The following PROS1 variants were observed in gnomAD, a reference collection of about 807,000 sequenced individuals.
PROS1 encodes the protein vitamin K-dependent protein S.
A neutral mutation model predicts 75.9 loss-of-function variants in PROS1; 29 were observed. The ratio of observed to expected loss-of-function variants is 0.38; its 90% CI spans 0.28 to 0.52. The LOEUF is 0.52. Ranked by LOEUF, PROS1 falls within the 20% of genes least tolerant of loss-of-function variation. The pLI is 0.83. For missense variants in PROS1, 680 were observed against 810.3 expected, an observed-to-expected ratio of 0.84 and a Z score of 1.95; for synonymous variants, 245 against 280.6, an observed-to-expected ratio of 0.87 and a Z score of 1.27.
chr3:93,889,899 G>A (rs1295150112), intron 10 of PROS1, among the ~76,000 whole-genome samples: 2 of 152,082 alleles, frequency 1.3e-5, no homozygotes, highest in Non-Finnish European at 2.9e-5. Context: ...CGATTTTAGG[G>A]AACAAGGGAA....
intron 1 of PROS1, among the ~76,000 whole-genome samples, chr3:93,971,176 T>C (rs1709875048): frequency 6.6e-6 from 1 of 151,432 alleles, no homozygotes; most frequent in South Asian, 2.1e-4. Flanking sequence ...ACCCTGTCTC[T>C]ACTAAAAATA....
At chr3:93,888,779 A>G (rs546467567) in intron 10 of PROS1, among the ~76,000 whole-genome samples, 1 of 152,126 alleles carries the variant, frequency 6.6e-6, no homozygotes, top group African/African-American at 2.4e-5. Flanking sequence ...CCTGTTATAC[A>G]CTCATTCTCC....
At chr3:93,925,198 T>C (rs138428354) in intron 2 of PROS1, among the ~76,000 whole-genome samples, 56 of 152,294 alleles carry the variant, frequency 3.7e-4, no homozygotes, top group African/African-American at 1.3e-3. Flanking sequence ...ATATCTAATG[T>C]GTACCATTAA....
intron 1 of PROS1, among the ~76,000 whole-genome samples, chr3:93,952,738 C>A (rs1477965143): frequency 6.6e-6 from 1 of 152,100 alleles, no homozygotes; most frequent in South Asian, 2.1e-4. Context: ...CAGAGCAGAA[C>A]TGAAGGAGAT....
Position 93,892,918 on chromosome 3 carries a change from AATC to A in PROS1, c.1155+12_1155+14del. On this transcript the variant is annotated intron_variant, in intron 10 of 14. Transcript: ENST00000394236. ...CATCAAAGTGGGAAGATATTGATGA[AATC>A]TGCAAACGTACCATATTCCATAGAC... The A allele has an allele frequency of 6.2e-7, 1 of 1,606,860 alleles. No individual in the cohort carries two copies.
intron 3 of PROS1, among the ~76,000 whole-genome samples, chr3:93,916,059 T>A (rs1708842936): frequency 6.6e-6 from 1 of 152,110 alleles, no homozygotes; most frequent in African/African-American, 2.4e-5. Flanking sequence ...AAGTCCAATA[T>A]TAAGGTGCTA....
At chr3:93,947,385 T>C (rs1490058419) in intron 1 of PROS1, among the ~76,000 whole-genome samples, 7 of 151,948 alleles carry the variant, frequency 4.6e-5, no homozygotes, top group Admixed American at 3.3e-4. Flanking sequence ...TTGCAGAAGC[T>C]CAGAAACCAG....
intron 1 of PROS1, among the ~76,000 whole-genome samples, chr3:93,956,563 A>T (rs9868364): frequency 7.8e-5 from 10 of 128,306 alleles, no homozygotes; most frequent in Non-Finnish European, 1.5e-4. Context: ...CACACACACA[A>T]ACACACACAC....
intron 4 of PROS1, among the ~76,000 whole-genome samples, chr3:93,908,445 T>C (rs915481111): frequency 6.6e-6 from 1 of 152,002 alleles, no homozygotes; most frequent in Non-Finnish European, 1.5e-5. Context: ...GGAGATCAAA[T>C]TAGAATTCTG....
At chr3:93,897,476 T>C (rs1708519803) in intron 8 of PROS1, among the ~76,000 whole-genome samples, 1 of 152,062 alleles carries the variant, frequency 6.6e-6, no homozygotes, top group Non-Finnish European at 1.5e-5. Flanking sequence ...CAGACGGTGA[T>C]ATGTAACTAC....
chr3:93,951,354 G>T (rs1168076580), intron 1 of PROS1, among the ~76,000 whole-genome samples: 2 of 152,152 alleles, frequency 1.3e-5, no homozygotes, highest in Non-Finnish European at 2.9e-5. Flanking sequence ...AGAAACGTGA[G>T]GTTACCCACA....
At chr3:93,894,428 C>G (rs1230966321) in intron 9 of PROS1, among the ~76,000 whole-genome samples, 2 of 152,158 alleles carry the variant, frequency 1.3e-5, no homozygotes, top group African/African-American at 2.4e-5. Flanking sequence ...TCATAATTAT[C>G]TGAGCATTTT....
chr3:93,902,466 C>T (rs1270223947), intron 6 of PROS1, among the ~76,000 whole-genome samples: 1 of 152,104 alleles, frequency 6.6e-6, no homozygotes, highest in Non-Finnish European at 1.5e-5. Context: ...AGGTTGTATT[C>T]TTTCAGCTGG....
In PROS1 at chr3:93,973,542, T is replaced by C. The variant is rs1421713116; in HGVS notation, c.76+132A>G. 4.5e-6 allele frequency: 4 copies of C among 895,154 alleles called. No homozygotes were observed. In the East Asian group the frequency reaches 8.0e-5, roughly 18 times the overall value. 55.5% of individuals were successfully genotyped at this position (895,154 alleles called of 1,614,324 possible). ...TCTATCCACGGCTGTTTCCATCCGC[T>C]GGGTGTCTGTCGGTACTTACTGGAA... On this transcript the variant is annotated intron_variant, in intron 1 of 14. Transcript: ENST00000394236.
chr3:93,953,708 G>T (rs902763423), intron 1 of PROS1, among the ~76,000 whole-genome samples: 3 of 152,034 alleles, frequency 2.0e-5, no homozygotes, highest in African/African-American at 7.2e-5. Context: ...TTCAAAATAG[G>T]GTTGGAAGTT....
intron 11 of PROS1, among the ~76,000 whole-genome samples, chr3:93,885,708 T>C (rs1252362889): frequency 2.0e-5 from 3 of 152,200 alleles, no homozygotes; most frequent in Non-Finnish European, 2.9e-5. Context: ...ACTTTTAAAG[T>C]GTATTAATTT....
Position 93,874,288 on chromosome 3 carries a change from G to A in PROS1, c.1988C>T (p.Ala663Val). The A allele has an allele frequency of 6.2e-7, 1 of 1,613,482 alleles. No individual in the cohort carries two copies. ...EAISKHNDIR[A>V]HSCPSVWKKT... The stretch of plus-strand genomic sequence containing the variant: ...TTTCCAAACTGATGGACATGAGTGA[G>A]CTCTAATATCATTATGTTTAGAAAT... Residue 663 changes from alanine to valine, a missense_variant, in exon 15 of 15, where the codon GCT becomes GTT. Ala to Val is a moderately conservative substitution (Grantham distance 64). Coordinates refer to ENST00000394236, the MANE Select transcript of PROS1 (RefSeq NM_000313.4).
chr3:93,915,973 T>C (rs1256098443), intron 3 of PROS1, among the ~76,000 whole-genome samples: 5 of 152,194 alleles, frequency 3.3e-5, no homozygotes. Context: ...GGCCTTTTTG[T>C]ATTGCTATAA....
chr3:93,969,699 C>G lies in PROS1; in HGVS notation c.76+3975G>C, dbSNP rs564575978. 2.0e-5 allele frequency among the ~76,000 whole-genome samples: 3 copies of G among 152,314 alleles called. No homozygotes were observed. In the South Asian group the frequency reaches 6.2e-4, roughly 32 times the overall value. On this transcript the variant is annotated intron_variant, in intron 1 of 14. Transcript: ENST00000394236. ...TTCTGTAGGCCTGGCTTCTGTAGGC[C>G]TGGCTGTTCAGCTAGCCATTCAGTA...
Sources: gnomAD v4.1 joint callset for allele counts (sites outside exome capture counted in the v4.1 genomes callset) on GRCh38, gnomAD v4.1.1 for gene constraint, MANE v1.5 for transcripts, NCBI Gene and HGNC (gene_info 2026-07-23, HGNC 2026-07-21) for gene names.